EPHA4: variants seen among roughly 807,000 people sequenced by gnomAD.
EPHA4 encodes the protein ephrin type-A receptor 4.
Under a neutral mutation model 108.3 loss-of-function variants are expected in EPHA4, and 19 were observed. The observed-to-expected ratio is 0.18, with a 90% CI of 0.12 to 0.26. EPHA4 has a LOEUF of 0.26. Among genes scored for constraint, EPHA4 ranks in the 10% least tolerant of loss-of-function variants. The pLI is 1.00. For synonymous variants in EPHA4, 449 were observed against 455.5 expected (o/e 0.99, Z 0.18); for missense variants, 917 against 1,254.0 (o/e 0.73, Z 4.06).
chr2:221,564,180 T>A lies in EPHA4; in HGVS notation c.374A>T (p.Tyr125Phe). ...MGTCKETFNL[Y>F]YYESDNDKER... The stretch of plus-strand genomic sequence containing the variant: ...TTTGTCGTTGTCTGATTCATAGTAG[T>A]ACAGGTTAAACGTCTCCTTGCAAGT... The change falls in exon 3 of 18, where the codon TAC (tyrosine) becomes TTC (phenylalanine). Residue 125 changes from tyrosine to phenylalanine, a missense_variant. Around this residue, in one of 3 missense-constraint regions of EPHA4, gnomAD observed 758 missense variants for 1,076.7 expected, o/e 0.70. Coordinates refer to ENST00000281821, the MANE Select transcript of EPHA4 (RefSeq NM_004438.5). 6.2e-7 allele frequency: 1 copy of A among 1,614,104 alleles called. No homozygotes were observed. The highest frequency in any genetic ancestry group is 8.5e-7 in the Non-Finnish European group (1 of 1,180,000).
chr2:221,473,231 G>A (rs1691545862), intron 5 of EPHA4, among the ~76,000 whole-genome samples: 1 of 152,116 alleles, frequency 6.6e-6, no homozygotes, highest in Non-Finnish European at 1.5e-5. Flanking sequence ...GGGTGGAAAG[G>A]TGGACACCAG....
intron 4 of EPHA4, among the ~76,000 whole-genome samples, chr2:221,497,469 T>C (rs1366643422): frequency 6.6e-6 from 1 of 152,174 alleles, no homozygotes; most frequent in Non-Finnish European, 1.5e-5. Flanking sequence ...CTGAGTGCAA[T>C]GGCTCACGCC....
Position 221,446,192 on chromosome 2 carries a change from T to A in EPHA4, c.1716-11A>T, listed in dbSNP as rs889141426. ...CTGTATTTACTCCGTCTATTAAAAT[T>A]TTTTTAAAAAAGAGAATTATTTTCC... On this transcript the variant is annotated splice_polypyrimidine_tract_variant and intron_variant, in intron 8 of 17. Transcript: ENST00000281821. 2.7e-6 allele frequency: 4 copies of A among 1,488,620 alleles called. No individual in the cohort carries two copies. In the Admixed American group the frequency reaches 9.0e-5, roughly 33 times the overall value. The allele number at this position is 1,488,620 out of a possible 1,614,324, so 92.2% of individuals were successfully genotyped here. A position where few individuals can be genotyped will look rare whatever the true frequency, so the allele number is the denominator to read the frequency against.
At chr2:221,518,513 A>G (rs1693055560) in intron 3 of EPHA4, among the ~76,000 whole-genome samples, 1 of 152,216 alleles carries the variant, frequency 6.6e-6, no homozygotes, top group South Asian at 2.1e-4. Flanking sequence ...ACCTGTAACG[A>G]TGGCTACTCA....
intron 5 of EPHA4, among the ~76,000 whole-genome samples, chr2:221,464,488 C>A (rs886390601): frequency 6.6e-6 from 1 of 152,176 alleles, no homozygotes. Flanking sequence ...TAATTGTTTT[C>A]TTCTACATTC....
intron 4 of EPHA4, among the ~76,000 whole-genome samples, chr2:221,493,411 A>C (rs6755463): frequency 0.011 from 1,680 of 152,224 alleles, 29 homozygotes; most frequent in African/African-American, 0.039. Flanking sequence ...TTGTTTGAAA[A>C]TGGATGTGAG....
chr2:221,440,923 A>G (rs1232769340), intron 11 of EPHA4, among the ~76,000 whole-genome samples: 2 of 152,130 alleles, frequency 1.3e-5, no homozygotes, highest in African/African-American at 4.8e-5. Flanking sequence ...TTCCCATACC[A>G]GCAGCATTGG....
chr2:221,554,423 T>C (rs1479609083), intron 3 of EPHA4, among the ~76,000 whole-genome samples: 2 of 152,244 alleles, frequency 1.3e-5, no homozygotes, highest in Non-Finnish European at 2.9e-5. Flanking sequence ...TTCTAGTTTA[T>C]AGAATGCATA....
chr2:221,437,948 G>T (rs1351513600), intron 11 of EPHA4, among the ~76,000 whole-genome samples: 1 of 151,544 alleles, frequency 6.6e-6, no homozygotes, highest in African/African-American at 2.4e-5. Context: ...AAAAAAACAA[G>T]CATGCGACTT....
chr2:221,501,041 C>A lies in EPHA4; in HGVS notation c.955G>T (p.Asp319Tyr). 6.2e-7 allele frequency: 1 copy of A among 1,611,834 alleles called. No homozygotes were observed. The highest frequency in any genetic ancestry group is 8.5e-7 in the Non-Finnish European group (1 of 1,179,048). ...CGGGTGCAGGGCATAGAGGCAGCAT[C>A]GTTGTCAGCTCTGAAAAAGCCTCGG... is the stretch of plus-strand genomic sequence containing the variant. The part of the protein sequence containing the change: ...CDRGFFRADN[D>Y]AASMPCTRPP... Residue 319 changes from aspartate to tyrosine, a missense_variant, in exon 4 of 18, where the codon GAT becomes TAT. Around this residue, in one of 3 missense-constraint regions of EPHA4, gnomAD observed 758 missense variants for 1,076.7 expected, o/e 0.70. Transcript: ENST00000281821.
chr2:221,479,774 C>A (rs556742160), intron 5 of EPHA4, among the ~76,000 whole-genome samples: 10 of 152,180 alleles, frequency 6.6e-5, no homozygotes, highest in Non-Finnish European at 1.5e-4. Context: ...GTGCTCTGCA[C>A]ATATACAATT....
intron 3 of EPHA4, among the ~76,000 whole-genome samples, chr2:221,534,208 C>T (rs916117706): frequency 2.0e-5 from 3 of 152,132 alleles, no homozygotes; most frequent in African/African-American, 7.2e-5. Context: ...TAGCATAAAG[C>T]ATATCTTGTT....
intron 17 of EPHA4, among the ~76,000 whole-genome samples, chr2:221,423,857 T>C (rs1689821764): frequency 6.6e-6 from 1 of 152,152 alleles, no homozygotes; most frequent in Non-Finnish European, 1.5e-5. Context: ...GACCGACGCC[T>C]GTAATCCCAA....
intron 3 of EPHA4, among the ~76,000 whole-genome samples, chr2:221,558,427 C>T (rs1694362783): frequency 6.6e-6 from 1 of 151,950 alleles, no homozygotes; most frequent in Admixed American, 6.6e-5. Context: ...ACCAATTACC[C>T]GTTCCCCCAC....
rs550119743 is a variant in EPHA4, at chr2:221,486,541, A to G, written c.980-3851T>C. Among the ~76,000 whole-genome samples the G allele has an allele frequency of 3.2e-4, 48 of 152,096 alleles. No homozygotes were observed. In the East Asian group the frequency reaches 6.6e-3, roughly 21 times the overall value. ...CAGGAGTTTAAGACCAGCCTGGCCA[A>G]TATGGTGAAACCCCCGTCTCTACTA... On this transcript the variant is annotated intron_variant, in intron 4 of 17. Coordinates refer to ENST00000281821, the MANE Select transcript of EPHA4 (RefSeq NM_004438.5).
At position 221,462,070 on chromosome 2, in the gene EPHA4, T is replaced by C. The variant is rs1691162933; in HGVS notation, c.1319-4080A>G. On this transcript the variant is annotated intron_variant, in intron 5 of 17. Transcript: ENST00000281821. ...ATTCCTATCTACCCACGGACTTCTT[T>C]CATAGAGGAGATACTTGTTTTAAGG... is the stretch of plus-strand genomic sequence containing the variant. Among the ~76,000 whole-genome samples the C allele has an allele frequency of 4.0e-5, 6 of 151,672 alleles. No homozygotes were observed. The South Asian group carries it at 1.2e-3, about 32-fold the overall frequency.
chr2:221,459,108 T>C (rs1297344390), intron 5 of EPHA4, among the ~76,000 whole-genome samples: 1 of 152,012 alleles, frequency 6.6e-6, no homozygotes, highest in East Asian at 1.9e-4. Context: ...CTGAAAATGG[T>C]ATGGGAAAAG....
chr2:221,516,645 C>T (rs765593030), intron 3 of EPHA4, among the ~76,000 whole-genome samples: 1 of 152,190 alleles, frequency 6.6e-6, no homozygotes, highest in Non-Finnish European at 1.5e-5. Context: ...AGCCACCATG[C>T]CCGACCTAGA....
chr2:221,572,543 C>G (rs1392614433), upstream of EPHA4: 2 of 231,684 alleles, frequency 8.6e-6, no homozygotes, highest in African/African-American at 4.6e-5. Context: ...CCGGAGGGAG[C>G]CAGCGGGATC....
Sources: allele counts gnomAD v4.1 joint callset (sites outside exome capture counted in the v4.1 genomes callset), GRCh38; gene constraint gnomAD v4.1.1; regional missense constraint gnomAD v4.1.1; transcripts MANE v1.5; gene names NCBI Gene and HGNC (gene_info 2026-07-23, HGNC 2026-07-21).